Variants in ADAMTS18 observed in about 807,000 individuals in gnomAD.
ADAMTS18 encodes ADAM metallopeptidase with thrombospondin type 1 motif 18, also known as A disintegrin and metalloproteinase with thrombospondin motifs 18.
ADAMTS18 carries 157 observed loss-of-function variants against 165.9 expected under a neutral mutation model. The observed-to-expected ratio is 0.95, with a 90% confidence interval of 0.83 to 1.08. The LOEUF (loss-of-function observed/expected upper bound fraction) is 1.08. Ranked by LOEUF, ADAMTS18 falls within the 50% of genes least tolerant of loss-of-function variation. ADAMTS18 has a pLI of 0.00. For missense variants in ADAMTS18, 2,040 were observed against 1,534.0 expected (o/e 1.33, Z -5.51); for synonymous variants, 782 against 578.2 (o/e 1.35, Z -5.06).
intron 10 of ADAMTS18, among the ~76,000 whole-genome samples, chr16:77,349,917 A>C (rs1181117507): frequency 6.6e-6 from 1 of 152,222 alleles, no homozygotes; most frequent in East Asian, 1.9e-4. Flanking sequence ...ATGAATAAAC[A>C]TTAAAACTGA....
intron 10 of ADAMTS18, among the ~76,000 whole-genome samples, chr16:77,347,276 T>C (rs1307136898): frequency 6.6e-6 from 1 of 152,208 alleles, no homozygotes; most frequent in African/African-American, 2.4e-5. Context: ...GACAAGCCTT[T>C]TTATGAACAC....
At chr16:77,318,806 T>C (rs1211259787) in intron 16 of ADAMTS18, among the ~76,000 whole-genome samples, 1 of 152,178 alleles carries the variant, frequency 6.6e-6, no homozygotes, top group Non-Finnish European at 1.5e-5. Context: ...AAGTCCATTT[T>C]CTACCTTAGT....
intron 3 of ADAMTS18, among the ~76,000 whole-genome samples, chr16:77,417,701 C>G (rs1249796754): frequency 6.6e-6 from 1 of 152,122 alleles, no homozygotes; most frequent in African/African-American, 2.4e-5. Flanking sequence ...TGCGCTGCAC[C>G]CACTAACTCA....
chr16:77,368,398 C>T (rs1028342099), intron 3 of ADAMTS18, among the ~76,000 whole-genome samples: 1 of 151,592 alleles, frequency 6.6e-6, no homozygotes, highest in Non-Finnish European at 1.5e-5. Context: ...AATACCCCCA[C>T]TCATTCTCAA....
At chr16:77,284,689 A>C (rs74413023) in intron 22 of ADAMTS18, among the ~76,000 whole-genome samples, 1 of 152,170 alleles carries the variant, frequency 6.6e-6, no homozygotes, top group Admixed American at 6.5e-5. Flanking sequence ...GATCCTCCCT[A>C]TGTAGCCTGG....
intron 22 of ADAMTS18, among the ~76,000 whole-genome samples, chr16:77,285,199 T>G (rs893012837): frequency 6.6e-6 from 1 of 152,116 alleles, no homozygotes; most frequent in African/African-American, 2.4e-5. Flanking sequence ...TGAGATGGAA[T>G]TTTGCTCTTG....
intron 3 of ADAMTS18, among the ~76,000 whole-genome samples, chr16:77,383,736 T>C (rs1158623236): frequency 6.6e-6 from 1 of 152,004 alleles, no homozygotes; most frequent in Non-Finnish European, 1.5e-5. Flanking sequence ...AGAGATGGGG[T>C]TTCACCATCT....
rs114992905 is a variant in ADAMTS18, at chr16:77,381,017, A to C, written c.496-13294T>G. On this transcript the variant is annotated intron_variant, in intron 3 of 22. Transcript: ENST00000282849. ...CGCCTCCGGAGTAGCTGGGATTACA[A>C]GTGCTGCCATCATGCCTGGTGAATT... Among the ~76,000 whole-genome samples the C allele has an allele frequency of 5.1e-3, 783 of 152,130 alleles. 12 individuals carry two copies. Among genetic ancestry groups the C allele is most frequent in the African/African-American group, 0.018 (752 of 41,498 alleles).
chr16:77,428,547 G>T (rs1049122035), intron 3 of ADAMTS18, among the ~76,000 whole-genome samples: 5 of 152,112 alleles, frequency 3.3e-5, no homozygotes, highest in Admixed American at 6.5e-5. Context: ...AGGATTTGGA[G>T]CAACTGGAAC....
intron 6 of ADAMTS18, 127 bp downstream of exon 6, chr16:77,363,675 G>C (rs1567514386): frequency 5.2e-6 from 4 of 762,738 alleles, no homozygotes; most frequent in Non-Finnish European, 9.1e-6. Context: ...ACTTTGAGGA[G>C]AGTCAGCCTA....
intron 11 of ADAMTS18, among the ~76,000 whole-genome samples, chr16:77,339,256 A>C (rs1374347502): frequency 6.6e-6 from 1 of 152,142 alleles, no homozygotes; most frequent in Non-Finnish European, 1.5e-5. Context: ...TAATCATTAC[A>C]CGGGAGTGAT....
intron 3 of ADAMTS18, among the ~76,000 whole-genome samples, chr16:77,399,381 C>CT (rs2057298231): frequency 6.6e-6 from 1 of 152,184 alleles, no homozygotes; most frequent in African/African-American, 2.4e-5. Flanking sequence ...AGAGTTAGAA[C>CT]TAGACACTTC....
rs1373677467 is a variant in ADAMTS18 at position 77,353,893 on chromosome 16, T to C, written c.1461-7A>G. The C allele has an allele frequency of 6.2e-7, 1 of 1,614,054 alleles. No individual in the cohort carries two copies. The highest frequency in any genetic ancestry group is 2.2e-5 in the East Asian group (1 of 44,890). ...ACACCCCGCCTGAGGTGTGCTGTAA[T>C]GACAATACATGCTTATTAATTACTC... On this transcript the variant is annotated splice_polypyrimidine_tract_variant and splice_region_variant and intron_variant, in intron 9 of 22. Coordinates refer to ENST00000282849, the MANE Select transcript of ADAMTS18 (RefSeq NM_199355.4).
At chr16:77,402,566 C>A (rs976337747) in intron 3 of ADAMTS18, among the ~76,000 whole-genome samples, 1 of 152,172 alleles carries the variant, frequency 6.6e-6, no homozygotes, top group Admixed American at 6.5e-5. Context: ...ACTCTGCGAG[C>A]AAATTTAAGT....
intron 3 of ADAMTS18, among the ~76,000 whole-genome samples, chr16:77,374,595 C>T (rs777837032): frequency 5.0e-4 from 76 of 152,288 alleles, no homozygotes; most frequent in Admixed American, 7.2e-4. Flanking sequence ...AGCCCTCCAG[C>T]CTTACTAACT....
chr16:77,283,836 A>G lies in ADAMTS18; in HGVS notation c.*120T>C. On this transcript the variant is annotated 3_prime_UTR_variant, in exon 23 of 23. Transcript: ENST00000282849. ...TCTGTTCCTCAGAGCAGGCTCCTTCATCACAGCGGCAGCTCACAGATGGTT... is the reference window on the plus strand; with the variant it reads ...TCTGTTCCTCAGAGCAGGCTCCTTCGTCACAGCGGCAGCTCACAGATGGTT... The G allele has an allele frequency of 1.3e-6, 1 of 782,094 alleles. No individual in the cohort carries two copies. The highest frequency in any genetic ancestry group is 2.2e-6 in the Non-Finnish European group (1 of 451,142). The allele number at this position is 782,094 out of a possible 1,614,324, so 48.4% of individuals were successfully genotyped here. A position where few individuals can be genotyped will look rare whatever the true frequency, so the allele number is the denominator to read the frequency against.
At chr16:77,389,667 C>G (rs992956473) in intron 3 of ADAMTS18, among the ~76,000 whole-genome samples, 4 of 152,106 alleles carry the variant, frequency 2.6e-5, no homozygotes, top group African/African-American at 9.7e-5. Flanking sequence ...ATAAATTCTT[C>G]GAAAGGTCTC....
chr16:77,417,403 G>T (rs1186471072), intron 3 of ADAMTS18, among the ~76,000 whole-genome samples: 1 of 152,114 alleles, frequency 6.6e-6, no homozygotes, highest in Admixed American at 6.6e-5. Flanking sequence ...AAGTGACTTT[G>T]ACTTTGCTTA....
At chr16:77,356,506 A>T (rs1264521400) in intron 8 of ADAMTS18, among the ~76,000 whole-genome samples, 1 of 152,170 alleles carries the variant, frequency 6.6e-6, no homozygotes, top group African/African-American at 2.4e-5. Flanking sequence ...TGATGATTAT[A>T]AGTTGTTTAT....
Sources: gnomAD v4.1 joint callset for allele counts (sites outside exome capture counted in the v4.1 genomes callset) on GRCh38, gnomAD v4.1.1 for gene constraint, MANE v1.5 for transcripts, NCBI Gene and HGNC (gene_info 2026-07-23, HGNC 2026-07-21) for gene names.